Variants in CPXM2 observed in about 807,000 individuals in gnomAD.
CPXM2 encodes carboxypeptidase X, M14 family member 2.
In CPXM2, 66 loss-of-function variants were observed where a neutral mutation model predicts 86.1. That is an observed-to-expected ratio of 0.77 (90% confidence interval 0.63 to 0.94). CPXM2 has a LOEUF of 0.94. Among genes scored for constraint, CPXM2 ranks in the 40% least tolerant of loss-of-function variants. CPXM2 has a pLI of 0.00. For missense variants in CPXM2, 948 were observed against 1,026.3 expected, an observed-to-expected ratio of 0.92 and a Z score of 1.04; for synonymous variants, 388 against 400.2, an observed-to-expected ratio of 0.97 and a Z score of 0.36.
chr10:123,930,163 G>C lies in CPXM2; in HGVS notation n.174+9314C>G, dbSNP rs748285119. 6.7e-4 allele frequency among the ~76,000 whole-genome samples: 102 copies of C among 151,414 alleles called. 1 individual carries two copies. Among genetic ancestry groups the C allele is most frequent in the Non-Finnish European group, 1.5e-5 (1 of 67,940 alleles). ...TCACAGTGACACACTTTGATAGCTT[G>C]AGTTCTCAGCTCTCCTGGGAAAATT... On this transcript the variant is annotated intron_variant and non_coding_transcript_variant, in intron 2 of 19. Transcript: ENST00000368854.
chr10:123,773,076 T>A (rs1245969512), intron 7 of CPXM2, among the ~76,000 whole-genome samples: 2 of 152,046 alleles, frequency 1.3e-5, no homozygotes, highest in Admixed American at 1.3e-4. Context: ...CTTCCCTGAT[T>A]GTGGTTATCA....
chr10:123,894,801 C>T (rs1945321751), upstream of CPXM2, among the ~76,000 whole-genome samples: 1 of 152,184 alleles, frequency 6.6e-6, no homozygotes, highest in African/African-American at 2.4e-5. Flanking sequence ...GCCTCTTCCT[C>T]TGTTCCCACT....
intron 11 of CPXM2, among the ~76,000 whole-genome samples, chr10:123,758,418 T>C (rs1589966040): frequency 2.0e-5 from 3 of 152,158 alleles, no homozygotes; most frequent in African/African-American, 7.2e-5. Context: ...TCTCTGCCTC[T>C]GTCTTCATAC....
At chr10:123,803,409 G>A (rs1338145112) in intron 4 of CPXM2, among the ~76,000 whole-genome samples, 2 of 151,988 alleles carry the variant, frequency 1.3e-5, no homozygotes, top group Non-Finnish European at 2.9e-5. Context: ...ACCATGCCCA[G>A]CCTGTGGTAT....
At position 123,798,022 on chromosome 10, in the gene CPXM2, A is replaced by G. The variant is rs750134560; in HGVS notation, c.843T>C (p.Asn281=). 2 of 1,610,962 alleles carry G rather than the reference A, an allele frequency of 1.2e-6. No individual in the cohort carries two copies. The highest frequency in any genetic ancestry group is 1.1e-5 in the South Asian group (1 of 90,418). Residue 281 remains asparagine, a synonymous_variant, in exon 6 of 14, where the codon AAT becomes AAC. Transcript: ENST00000241305. The stretch of plus-strand genomic sequence containing the variant: ...TCTCCATTCTCATGCAGATGCTCCC[A>G]TTATCAAACCAGGACTGAGGGTTTA... ...IRINPQSWFD[N]GSICMRMEIL...
intron 2 of CPXM2, among the ~76,000 whole-genome samples, chr10:123,877,055 G>C (rs1944999966): frequency 6.6e-6 from 1 of 152,178 alleles, no homozygotes; most frequent in Non-Finnish European, 1.5e-5. Flanking sequence ...TGTGAGCAGA[G>C]GCTTAAAGCT....
chr10:123,748,966 C>T lies in CPXM2; in HGVS notation c.2018-1949G>A, dbSNP rs372582493. On this transcript the variant is annotated intron_variant, in intron 13 of 13. Transcript: ENST00000241305. ...TAAAGCTGTAGGCGCCTGAAGAGCC[C>T]GTGTTTTCCTCTTCTGTGCTCAACA... 6.1e-4 allele frequency among the ~76,000 whole-genome samples: 93 copies of T among 152,258 alleles called. 1 individual carries two copies. The highest frequency in any genetic ancestry group is 1.9e-3 in the African/African-American group (79 of 41,544).
rs1846492513 is a variant in CPXM2, at chr10:123,766,998, T to A, written c.1454A>T (p.Glu485Val). The A allele has an allele frequency of 1.2e-6, 2 of 1,614,142 alleles. No individual in the cohort carries two copies. ...KVPNHYIAIP[E>V]WFLSENATVA... ...CGTGGCATTTTCCGACAGAAACCAC[T>A]CAGGGATTGCAATATAGTGATTGGG... Residue 485 changes from glutamate to valine, a missense_variant, in exon 10 of 14, where the codon GAG becomes GTG. By Grantham distance (121) the Glu-to-Val change is moderately radical. Coordinates refer to ENST00000241305, the MANE Select transcript of CPXM2 (RefSeq NM_198148.3).
At position 123,757,253 on chromosome 10, in the gene CPXM2, C is replaced by T; in HGVS notation, c.1877G>A (p.Trp626Ter). The change falls in exon 12 of 14, where the codon TGG becomes TAG. Residue 626 changes from tryptophan (W) to a stop codon, truncating the protein, a stop_gained. Transcript: ENST00000241305. LOFTEE classifies it high-confidence loss of function. Reference sequence around the variant, plus strand: ...GATCAGAGATTCCCGGTTATTCTCCCACTCCTCGGGCAGCTGGCTCTCATG... The same window carrying T: ...GATCAGAGATTCCCGGTTATTCTCCTACTCCTCGGGCAGCTGGCTCTCATG... ...YPHESQLPEE[W>*]ENNRESLIVF... 1 of 1,614,092 alleles carries T rather than the reference C, an allele frequency of 6.2e-7. No individual in the cohort carries two copies. The highest frequency in any genetic ancestry group is 8.5e-7 in the Non-Finnish European group (1 of 1,179,964).
rs74162938 is a variant in CPXM2 at position 123,796,754 on chromosome 10, C to T, written c.889+1222G>A. Among the ~76,000 whole-genome samples, 398 of 152,328 alleles carry T rather than the reference C, an allele frequency of 2.6e-3. 2 individuals carry two copies. Among genetic ancestry groups the T allele is most frequent in the African/African-American group, 9.4e-3 (391 of 41,572 alleles). On this transcript the variant is annotated intron_variant, in intron 6 of 13. Coordinates refer to ENST00000241305, the MANE Select transcript of CPXM2 (RefSeq NM_198148.3). Reference sequence around the variant, plus strand: ...CCCCAGGCAGTGCTGGAAGGGACTACGAGTCCCATAGGTAGCCAGCCCTGC... The same window carrying T: ...CCCCAGGCAGTGCTGGAAGGGACTATGAGTCCCATAGGTAGCCAGCCCTGC...
chr10:123,840,950 T>C (rs1848374165), intron 4 of CPXM2, among the ~76,000 whole-genome samples: 1 of 152,358 alleles, frequency 6.6e-6, no homozygotes, highest in East Asian at 1.9e-4. Context: ...TTTTATTTGA[T>C]TGCCAACAAG....
intron 3 of CPXM2, among the ~76,000 whole-genome samples, chr10:123,854,807 T>C (rs534938408): frequency 1.3e-5 from 2 of 152,080 alleles, no homozygotes; most frequent in East Asian, 3.9e-4. Flanking sequence ...ATCAGGTGTG[T>C]AGGTCATTCT....
chr10:123,854,359 A>AT (rs1564798853), intron 3 of CPXM2, among the ~76,000 whole-genome samples: 2 of 120,094 alleles, frequency 1.7e-5, no homozygotes, highest in Non-Finnish European at 3.2e-5. Flanking sequence ...TATATATATA[A>AT]AAATATATAT....
intron 6 of CPXM2, among the ~76,000 whole-genome samples, chr10:123,784,368 T>C (rs1303284739): frequency 1.3e-5 from 2 of 152,184 alleles, no homozygotes; most frequent in Non-Finnish European, 2.9e-5. Flanking sequence ...CCTCCAGAAC[T>C]GTGGCAGGAT....
chr10:123,900,038 C>G (rs1283828419), intron 2 of CPXM2, among the ~76,000 whole-genome samples: 1 of 152,192 alleles, frequency 6.6e-6, no homozygotes, highest in Non-Finnish European at 1.5e-5. Flanking sequence ...CCTGCAATGT[C>G]TAACAAAAAA....
At position 123,780,649 on chromosome 10, in the gene CPXM2, A is replaced by G. The variant is rs145959684; in HGVS notation, c.890-394T>C. Among the ~76,000 whole-genome samples the G allele has an allele frequency of 1.6e-3, 248 of 152,344 alleles. 5 individuals carry two copies. The highest frequency in any genetic ancestry group is 0.013 in the Admixed American group (193 of 15,300). ...CAAGCTGTCAACACTGCATAAATAA[A>G]TGAGTGAATATCGTGACTACACACA... On this transcript the variant is annotated intron_variant, in intron 6 of 13. Coordinates refer to ENST00000241305, the MANE Select transcript of CPXM2 (RefSeq NM_198148.3).
At position 123,876,411 on chromosome 10, in the gene CPXM2, GAT is replaced by G. The variant is rs531747227; in HGVS notation, c.403+3798_403+3799del. 3.7e-3 allele frequency among the ~76,000 whole-genome samples: 558 copies of G among 152,258 alleles called. 8 individuals are homozygous for G. The highest frequency in any genetic ancestry group is 5.2e-3 in the Non-Finnish European group (357 of 68,028). On this transcript the variant is annotated intron_variant, in intron 2 of 13. Transcript: ENST00000241305. ...AAGAACCGTGCACGGGAATCACTGT[GAT>G]ATGAGAAAGGAGGGAACCAGCACCA...
intron 2 of CPXM2, among the ~76,000 whole-genome samples, chr10:123,864,330 C>A (rs1848931519): frequency 6.6e-6 from 1 of 151,626 alleles, no homozygotes; most frequent in Non-Finnish European, 1.5e-5. Context: ...TTCCTGGTGG[C>A]CTGGGAATAG....
chr10:123,775,646 C>T (rs1846767552), intron 7 of CPXM2, among the ~76,000 whole-genome samples: 1 of 152,232 alleles, frequency 6.6e-6, no homozygotes, highest in Non-Finnish European at 1.5e-5. Context: ...TCATATCAGC[C>T]ACACTTTCCC....
Sources: gnomAD v4.1 joint callset for allele counts (sites outside exome capture counted in the v4.1 genomes callset) on GRCh38, gnomAD v4.1.1 for gene constraint, MANE v1.5 for transcripts, NCBI Gene and HGNC (gene_info 2026-07-23, HGNC 2026-07-21) for gene names.